Variants in CACNG4 observed in about 807,000 individuals in gnomAD.
CACNG4 encodes the protein calcium voltage-gated channel auxiliary subunit gamma 4.
A neutral mutation model predicts 22.9 loss-of-function variants in CACNG4; 8 were observed. That is an observed-to-expected ratio of 0.35 (90% CI 0.21 to 0.63). The LOEUF (loss-of-function observed/expected upper bound fraction) is 0.63. CACNG4 is among the 30% of genes least tolerant of loss of function. The pLI is 0.72. For synonymous variants in CACNG4, 188 were observed against 191.9 expected, an observed-to-expected ratio of 0.98 and a Z score of 0.17; for missense variants, 357 against 455.4, an observed-to-expected ratio of 0.78 and a Z score of 1.97.
intron 1 of CACNG4, among the ~76,000 whole-genome samples, chr17:66,965,977 C>T (rs539577734): frequency 7.9e-5 from 12 of 152,090 alleles, no homozygotes; most frequent in Non-Finnish European, 1.5e-4. Context: ...ATCTGCGGAC[C>T]GGGAACAGAC....
At chr17:66,985,144 C>T (rs28420352) in intron 1 of CACNG4, among the ~76,000 whole-genome samples, 1 of 152,174 alleles carries the variant, frequency 6.6e-6, no homozygotes, top group African/African-American at 2.4e-5. Flanking sequence ...TCCCACCACC[C>T]GCCCTCATCC....
In CACNG4 at chr17:67,030,446, G is replaced by C. The variant is rs372671196; in HGVS notation, c.446-20G>C. 51 of 1,608,914 alleles carry C rather than the reference G, an allele frequency of 3.2e-5. 1 individual carries two copies. The highest frequency in any genetic ancestry group is 4.3e-5 in the Non-Finnish European group (51 of 1,176,488). On this transcript the variant is annotated intron_variant, in intron 3 of 3. Transcript: ENST00000262138. This position sits in a 1 kb window ranked among gnomAD's most constrained non-coding sequence, Gnocchi z 6.4. Reference sequence around the variant, plus strand: ...CTCTCCCTCCCTGGCCCCGCTCCCCGCTCCCCGCTTCCCTTTCAGGCCTCA... The same window carrying C: ...CTCTCCCTCCCTGGCCCCGCTCCCCCCTCCCCGCTTCCCTTTCAGGCCTCA...
intron 1 of CACNG4, among the ~76,000 whole-genome samples, chr17:66,977,993 A>C (rs757500825): frequency 5.3e-5 from 8 of 152,190 alleles, no homozygotes; most frequent in Non-Finnish European, 1.2e-4. Context: ...CCTATCCCAT[A>C]GGGTTGTCAG....
At chr17:66,993,701 G>T (rs1269490443) in intron 1 of CACNG4, among the ~76,000 whole-genome samples, 1 of 152,304 alleles carries the variant, frequency 6.6e-6, no homozygotes, top group Admixed American at 6.5e-5. Context: ...TGCCTCCAGG[G>T]TTCAAGCGAT....
At chr17:66,973,118 C>T (rs1020433980) in intron 1 of CACNG4, among the ~76,000 whole-genome samples, 52 of 151,910 alleles carry the variant, frequency 3.4e-4, no homozygotes, top group African/African-American at 1.2e-3. Context: ...TGGTGGCAGG[C>T]ACCTGTAGTC....
intron 1 of CACNG4, among the ~76,000 whole-genome samples, chr17:67,002,688 AC>A (rs2035415897): frequency 6.6e-6 from 1 of 151,972 alleles, no homozygotes. Context: ...CATAGCAGTG[AC>A]AGCACTAGTT....
intron 1 of CACNG4, among the ~76,000 whole-genome samples, chr17:67,006,624 T>G (rs1346287193): frequency 2.0e-5 from 3 of 152,166 alleles, no homozygotes; most frequent in Non-Finnish European, 2.9e-5. Context: ...CCTTATTCTT[T>G]GAAATTCCAC....
intron 1 of CACNG4, among the ~76,000 whole-genome samples, chr17:66,983,446 G>A (rs1432831115): frequency 6.6e-6 from 1 of 152,206 alleles, no homozygotes; most frequent in African/African-American, 2.4e-5. Flanking sequence ...TGGAGGAGGA[G>A]TTTAGATGGG....
At chr17:66,971,187 G>A (rs992817991) in intron 1 of CACNG4, among the ~76,000 whole-genome samples, 28 of 151,784 alleles carry the variant, frequency 1.8e-4, no homozygotes, top group African/African-American at 6.8e-4. Context: ...TAGCTTCCAC[G>A]CTGACGGTGG....
chr17:66,994,909 G>A (rs2143314611), intron 1 of CACNG4, among the ~76,000 whole-genome samples: 1 of 152,262 alleles, frequency 6.6e-6, no homozygotes, highest in East Asian at 1.9e-4. Context: ...GAGGACTGGA[G>A]CCATTCGCCC....
At chr17:66,995,232 T>C (rs2035366850) in intron 1 of CACNG4, among the ~76,000 whole-genome samples, 1 of 152,200 alleles carries the variant, frequency 6.6e-6, no homozygotes, top group Non-Finnish European at 1.5e-5. Context: ...TGTCTCTGGC[T>C]TCTGTCCATT....
In CACNG4 at chr17:67,031,995, C is replaced by A. The variant is rs1310553992; in HGVS notation, c.*991C>A. ...AGTGGCCAATAAAAACCCTAGAGAA[C>A]AAACATCCATTTCCTAGGTGGTTAC... On this transcript the variant is annotated 3_prime_UTR_variant, in exon 4 of 4. Transcript: ENST00000262138. The surrounding 1 kb of genome is among the most constrained non-coding windows in gnomAD (Gnocchi z 4.0). 2.2e-6 allele frequency: 1 copy of A among 456,410 alleles called. No individual in the cohort carries two copies. Among genetic ancestry groups the A allele is most frequent in the Non-Finnish European group, 4.4e-6 (1 of 226,884 alleles). The allele number at this position is 456,410 out of a possible 1,614,324, so 28.3% of individuals were successfully genotyped here. A position where few individuals can be genotyped will look rare whatever the true frequency, so the allele number is the denominator to read the frequency against.
intron 1 of CACNG4, among the ~76,000 whole-genome samples, chr17:66,967,841 G>A (rs760201144): frequency 6.6e-6 from 1 of 152,186 alleles, no homozygotes; most frequent in African/African-American, 2.4e-5. Context: ...ATGTTGCCGG[G>A]CCAGGAAGCC....
At chr17:66,966,374 T>C (rs2035171283) in intron 1 of CACNG4, among the ~76,000 whole-genome samples, 1 of 152,192 alleles carries the variant, frequency 6.6e-6, no homozygotes, top group Non-Finnish European at 1.5e-5. Flanking sequence ...TCTTTTTCGG[T>C]AACCTTTCCC....
chr17:67,024,791 C>A, intron 2 of CACNG4, 69 bp from the exon 3 acceptor site: 1 of 1,409,920 alleles, frequency 7.1e-7, no homozygotes, highest in African/African-American at 1.5e-5. Context: ...GGGAGACATA[C>A]GCAGCCATGC....
chr17:67,014,137 C>A (rs1005178244), intron 1 of CACNG4, among the ~76,000 whole-genome samples: 40 of 152,326 alleles, frequency 2.6e-4, no homozygotes, highest in Admixed American at 2.6e-3. Context: ...CTCCACCTCG[C>A]GACCTCAGCA....
Position 66,981,193 on chromosome 17 carries a change from A to C in CACNG4, c.220+16062A>C, listed in dbSNP as rs1238736020. Among the ~76,000 whole-genome samples, 9 of 152,146 alleles carry C rather than the reference A, an allele frequency of 5.9e-5. No homozygotes were observed. In the East Asian group the frequency reaches 1.5e-3, roughly 26 times the overall value. On this transcript the variant is annotated intron_variant, in intron 1 of 3. Transcript: ENST00000262138. Reference sequence around the variant, plus strand: ...ACCTTCTGTTCTTAGCAAGAGTTTCAGTTAAGGCAGAAGCGCGAGGGAATA... The same window carrying C: ...ACCTTCTGTTCTTAGCAAGAGTTTCCGTTAAGGCAGAAGCGCGAGGGAATA...
At chr17:66,981,921 G>A (rs890888070) in intron 1 of CACNG4, among the ~76,000 whole-genome samples, 4 of 152,106 alleles carry the variant, frequency 2.6e-5, no homozygotes, top group African/African-American at 9.7e-5. Flanking sequence ...ATTGCAGAAA[G>A]AGAGCTAACT....
intron 1 of CACNG4, among the ~76,000 whole-genome samples, chr17:67,012,510 T>A (rs1209222380): frequency 1.3e-5 from 2 of 152,182 alleles, no homozygotes; most frequent in Non-Finnish European, 2.9e-5. Flanking sequence ...GGCTTGGTCC[T>A]GCTGGGACCC....
Sources: allele counts gnomAD v4.1 joint callset (sites outside exome capture counted in the v4.1 genomes callset), GRCh38; gene constraint gnomAD v4.1.1; non-coding constraint Gnocchi (gnomAD v3.1); transcripts MANE v1.5; gene names NCBI Gene and HGNC (gene_info 2026-07-23, HGNC 2026-07-21).